Variants in GABRB1 observed in about 807,000 individuals in gnomAD.
GABRB1 encodes the protein gamma-aminobutyric acid type A receptor subunit beta1.
GABRB1 carries 17 observed loss-of-function variants against 51.6 expected under a neutral mutation model. That is an observed-to-expected ratio of 0.33 (90% CI 0.23 to 0.49). The LOEUF (loss-of-function observed/expected upper bound fraction) is 0.49, where lower values mean the gene tolerates loss of function less well. GABRB1 is among the 20% of genes least tolerant of loss of function. GABRB1 has a pLI of 0.99. For synonymous variants in GABRB1, 247 were observed against 218.9 expected (o/e 1.13, Z -1.14); for missense variants, 410 against 600.6 (o/e 0.68, Z 3.32).
chr4:47,319,727 C>G (rs1725007290), intron 4 of GABRB1, among the ~76,000 whole-genome samples: 1 of 152,132 alleles, frequency 6.6e-6, no homozygotes, highest in Non-Finnish European at 1.5e-5. Context: ...TTTCCCTATT[C>G]TATTTTGTGG....
chr4:47,237,213 C>T (rs575049392), intron 4 of GABRB1, among the ~76,000 whole-genome samples: 1 of 151,996 alleles, frequency 6.6e-6, no homozygotes, highest in South Asian at 2.1e-4. Context: ...TACATCAGAT[C>T]TAGTTTTTGA....
chr4:47,161,954 C>T (rs990380876), intron 4 of GABRB1, among the ~76,000 whole-genome samples: 2 of 151,756 alleles, frequency 1.3e-5, no homozygotes, highest in African/African-American at 4.8e-5. Context: ...AAACAATATA[C>T]AAGTGAAAAA....
intron 3 of GABRB1, among the ~76,000 whole-genome samples, chr4:47,039,136 G>A (rs1256327048): frequency 1.3e-5 from 2 of 151,504 alleles, no homozygotes; most frequent in African/African-American, 4.9e-5. Context: ...AAAAAGGCTG[G>A]CCACAAGAAA....
chr4:47,283,761 G>T lies in GABRB1; in HGVS notation c.462-36366G>T, dbSNP rs141098593. Among the ~76,000 whole-genome samples, 144 of 152,100 alleles carry T rather than the reference G, an allele frequency of 9.5e-4. 2 individuals carry two copies. The highest frequency in any genetic ancestry group is 3.3e-3 in the African/African-American group (139 of 41,508). On this transcript the variant is annotated intron_variant, in intron 4 of 8. Coordinates refer to ENST00000295454, the MANE Select transcript of GABRB1 (RefSeq NM_000812.4). ...AGCTGCTTGAGTTCAGATGGAGAAA[G>T]AATTCACCAAAGATAATTGAAACAA...
At chr4:47,221,201 T>C (rs138345032) in intron 4 of GABRB1, among the ~76,000 whole-genome samples, 5 of 152,142 alleles carry the variant, frequency 3.3e-5, no homozygotes, top group African/African-American at 1.2e-4. Flanking sequence ...TGCACTGATT[T>C]CACCAGCCAA....
At chr4:47,357,035 A>T (rs575212167) in intron 5 of GABRB1, among the ~76,000 whole-genome samples, 2 of 152,314 alleles carry the variant, frequency 1.3e-5, no homozygotes, top group East Asian at 3.9e-4. Context: ...CTTTGATGCT[A>T]AGCAGAAAGC....
chr4:47,219,265 A>G (rs916745753), intron 4 of GABRB1, among the ~76,000 whole-genome samples: 2 of 151,912 alleles, frequency 1.3e-5, no homozygotes, highest in Non-Finnish European at 2.9e-5. Flanking sequence ...ACGTAATTCT[A>G]TAAGGAATTG....
chr4:47,281,154 G>A (rs775113355), intron 4 of GABRB1, among the ~76,000 whole-genome samples: 51 of 152,042 alleles, frequency 3.4e-4, no homozygotes, highest in Non-Finnish European at 6.3e-4. Context: ...ATCTGACAAA[G>A]GGCTAATGTC....
chr4:47,112,676 A>C (rs1245392072), intron 3 of GABRB1, among the ~76,000 whole-genome samples: 4 of 152,170 alleles, frequency 2.6e-5, no homozygotes, highest in Admixed American at 2.0e-4. Flanking sequence ...TCCATAATTC[A>C]TCCATTCATT....
intron 3 of GABRB1, among the ~76,000 whole-genome samples, chr4:47,036,143 T>C (rs1308218973): frequency 6.6e-6 from 1 of 152,204 alleles, no homozygotes; most frequent in African/African-American, 2.4e-5. Context: ...TTACAGACAT[T>C]ACAGTGAACA....
intron 3 of GABRB1, among the ~76,000 whole-genome samples, chr4:47,150,755 A>G (rs1577954095): frequency 6.6e-6 from 1 of 152,122 alleles, no homozygotes; most frequent in East Asian, 1.9e-4. Context: ...AGGAGAGGTG[A>G]TAAGCAATAA....
intron 4 of GABRB1, among the ~76,000 whole-genome samples, chr4:47,226,059 T>A (rs1051960656): frequency 2.0e-5 from 3 of 152,162 alleles, no homozygotes; most frequent in African/African-American, 7.2e-5. Flanking sequence ...CATCAACTAT[T>A]TATTAAACCC....
intron 5 of GABRB1, among the ~76,000 whole-genome samples, chr4:47,347,187 C>T (rs1726131818): frequency 6.6e-6 from 1 of 151,942 alleles, no homozygotes; most frequent in Non-Finnish European, 1.5e-5. Flanking sequence ...GAACCTGAGG[C>T]ATGAGACTTG....
chr4:47,357,497 T>C (rs575203725), intron 5 of GABRB1, among the ~76,000 whole-genome samples: 4 of 152,312 alleles, frequency 2.6e-5, no homozygotes, highest in African/African-American at 9.6e-5. Context: ...AATGCCTTGC[T>C]TTTCCAGCAC....
intron 3 of GABRB1, among the ~76,000 whole-genome samples, chr4:47,071,078 G>A (rs6824550): frequency 0.48 from 73,389 of 151,998 alleles, 18,146 homozygotes; most frequent in African/African-American, 0.58. Context: ...TGCTCAGATC[G>A]TCCATTTAAT....
chr4:47,056,783 GAA>G (rs955219583), intron 3 of GABRB1, among the ~76,000 whole-genome samples: 2 of 152,194 alleles, frequency 1.3e-5, no homozygotes, highest in African/African-American at 4.8e-5. Context: ...GAAAGAGACA[GAA>G]AGAGATCGTT....
At chr4:46,998,132 A>G (rs1214708472) in intron 1 of GABRB1, among the ~76,000 whole-genome samples, 1 of 152,234 alleles carries the variant, frequency 6.6e-6, no homozygotes, top group Non-Finnish European at 1.5e-5. Context: ...CTGTCAAAAT[A>G]AGAATTTTTT....
intron 3 of GABRB1, among the ~76,000 whole-genome samples, chr4:47,123,329 GATA>G (rs1715874791): frequency 8.2e-6 from 1 of 121,890 alleles, no homozygotes. Context: ...ATATATATTA[GATA>G]ATATTATATA....
At chr4:47,089,237 G>A (rs1444259511) in intron 3 of GABRB1, among the ~76,000 whole-genome samples, 1 of 152,126 alleles carries the variant, frequency 6.6e-6, no homozygotes, top group Non-Finnish European at 1.5e-5. Flanking sequence ...AGTGAACTGT[G>A]TCCTTAGATT....
Sources: gnomAD v4.1 joint callset for allele counts (sites outside exome capture counted in the v4.1 genomes callset) on GRCh38, gnomAD v4.1.1 for gene constraint, MANE v1.5 for transcripts, NCBI Gene and HGNC (gene_info 2026-07-23, HGNC 2026-07-21) for gene names.